The following TMED6 variants were observed in gnomAD, a reference collection of about 807,000 sequenced individuals.
TMED6 encodes the protein transmembrane p24 trafficking protein 6, also known as transmembrane emp24 domain-containing protein 6.
A neutral mutation model predicts 26.5 loss-of-function variants in TMED6; 17 were observed. That is an observed-to-expected ratio of 0.64 (90% confidence interval 0.44 to 0.96). The LOEUF (loss-of-function observed/expected upper bound fraction) is 0.96, where lower values mean the gene tolerates loss of function less well. Ranked by LOEUF, TMED6 falls within the 40% of genes least tolerant of loss-of-function variation. The pLI, the probability that TMED6 is intolerant of heterozygous loss-of-function variation, is 0.00. For missense variants in TMED6, 309 were observed against 296.5 expected (o/e 1.04, Z -0.31); for synonymous variants, 107 against 106.2 (o/e 1.01, Z -0.04).
At chr16:69,347,439 AC>A (rs1308335160) in intron 3 of TMED6, among the ~76,000 whole-genome samples, 1 of 152,094 alleles carries the variant, frequency 6.6e-6, no homozygotes, top group East Asian at 1.9e-4. Context: ...GCTTACTGCA[AC>A]CTCTGCCTCC....
Position 69,347,775 on chromosome 16 carries a change from A to G in TMED6, c.489+13T>C. ...TTCCACAGATGTTTCTCTTCCACAAAACACTTCCTTACCTCAATTGCATCC... is the reference window on the plus strand; with the variant it reads ...TTCCACAGATGTTTCTCTTCCACAAGACACTTCCTTACCTCAATTGCATCC... On this transcript the variant is annotated intron_variant, in intron 3 of 3. Transcript: ENST00000288025. 6.2e-7 allele frequency: 1 copy of G among 1,613,408 alleles called. No homozygotes were observed. Among genetic ancestry groups the G allele is most frequent in the Admixed American group, 1.7e-5 (1 of 59,754 alleles).
chr16:69,347,531 TG>T (rs2012705013), intron 3 of TMED6, among the ~76,000 whole-genome samples: 1 of 152,160 alleles, frequency 6.6e-6, no homozygotes, highest in Non-Finnish European at 1.5e-5. Context: ...AGCTAATTTT[TG>T]TATTTTTAGT....
intron 1 of TMED6, among the ~76,000 whole-genome samples, chr16:69,350,462 G>A (rs1376677375): frequency 6.6e-6 from 1 of 151,860 alleles, no homozygotes; most frequent in African/African-American, 2.4e-5. Flanking sequence ...ACCAAGCCCG[G>A]CTAATTTTTG....
intron 1 of TMED6, among the ~76,000 whole-genome samples, chr16:69,350,269 C>CAAAAAAAA: frequency 1.4e-5 from 1 of 70,190 alleles, no homozygotes; most frequent in African/African-American, 4.5e-5. Context: ...AACACTCTGT[C>CAAAAAAAA]AAAAAAAAAA....
intron 3 of TMED6, 124 bp from the exon 4 acceptor site, chr16:69,343,764 A>G: frequency 1.4e-6 from 1 of 732,288 alleles, no homozygotes; most frequent in East Asian, 2.6e-5. Flanking sequence ...GATGTACAAT[A>G]CAATGATAGT....
intron 3 of TMED6, among the ~76,000 whole-genome samples, chr16:69,343,995 ATT>A (rs72414863): frequency 9.0e-5 from 13 of 143,770 alleles, no homozygotes; most frequent in Non-Finnish European, 7.7e-5. Flanking sequence ...CACCCAGCTA[ATT>A]TTTTTTTTTT....
chr16:69,348,423 A>T (rs577347302), intron 2 of TMED6: 1 of 118,030 alleles, frequency 8.5e-6, no homozygotes, highest in South Asian at 2.9e-4. Flanking sequence ...TGGTTTGGTT[A>T]TATCTGTTGG....
At chr16:69,347,740 A>G (rs2012707419) in intron 3 of TMED6, 48 bp downstream of exon 3, 1 of 1,606,718 alleles carries the variant, frequency 6.2e-7, no homozygotes, top group African/African-American at 1.3e-5. Context: ...CTCTGAAGTT[A>G]AAAATCAGTT....
At chr16:69,347,613 G>T (rs2012705988) in intron 3 of TMED6, among the ~76,000 whole-genome samples, 175 bp downstream of exon 3, 1 of 152,122 alleles carries the variant, frequency 6.6e-6, no homozygotes, top group Non-Finnish European at 1.5e-5. Flanking sequence ...ACCCACCTCG[G>T]CCTCCCAAAG....
At chr16:69,348,303 A>G (rs148544895) in intron 2 of TMED6, 37 of 171,026 alleles carry the variant, frequency 2.2e-4, no homozygotes, top group Admixed American at 8.0e-4. Flanking sequence ...AGCTAGGGAC[A>G]CCATCTTGAA....
chr16:69,348,998 T>C (rs1597232958), intron 2 of TMED6, among the ~76,000 whole-genome samples: 3 of 152,236 alleles, frequency 2.0e-5, no homozygotes, highest in African/African-American at 7.2e-5. Flanking sequence ...AAATGTCTTT[T>C]TTAGTGCAGC....
Position 69,347,783 on chromosome 16 carries a change from C to T in TMED6, c.489+5G>A. 6.2e-7 allele frequency: 1 copy of T among 1,613,930 alleles called. No homozygotes were observed. The highest frequency in any genetic ancestry group is 1.1e-5 in the South Asian group (1 of 91,056). On this transcript the variant is annotated splice_donor_5th_base_variant and intron_variant, in intron 3 of 3. Transcript: ENST00000288025. Reference sequence around the variant, plus strand: ...ATGTTTCTCTTCCACAAAACACTTCCTTACCTCAATTGCATCCAGAGTATC... The same window carrying T: ...ATGTTTCTCTTCCACAAAACACTTCTTTACCTCAATTGCATCCAGAGTATC...
chr16:69,349,684 C>A, intron 1 of TMED6, 33 bp from the exon 2 acceptor site: 1 of 1,601,270 alleles, frequency 6.2e-7, no homozygotes, highest in South Asian at 1.1e-5. Context: ...TAGCAGAACC[C>A]CTGCTACATC....
chr16:69,344,778 AAAAAAAAG>A (rs984737401), intron 3 of TMED6, among the ~76,000 whole-genome samples: 3 of 146,026 alleles, frequency 2.1e-5, no homozygotes, highest in Admixed American at 6.9e-5. Context: ...GTCTCAACAA[AAAAAAAAG>A]AAAAAAAGAA....
Position 69,349,536 on chromosome 16 carries a change from G to A in TMED6, c.329C>T (p.Thr110Ile), listed in dbSNP as rs1479066398. 1.9e-6 allele frequency: 3 copies of A among 1,613,746 alleles called. 1 individual carries two copies. The highest frequency in any genetic ancestry group is 2.2e-5 in the South Asian group (2 of 91,066). Residue 110 changes from threonine (T) to isoleucine (I), a missense_variant, in exon 2 of 4, where the codon ACC becomes ATC. Coordinates refer to ENST00000288025, the MANE Select transcript of TMED6 (RefSeq NM_144676.4). ...TAATGAAAACAGACCTGTCTCTTGG[G>A]TAGAGAAGTTAATCTGGCCCCGAAC... ...QGVRGQINFS[T>I]QETGFYQLCL...
Position 69,349,725 on chromosome 16 carries a change from C to A in TMED6, c.214-74G>T, listed in dbSNP as rs151231761. The A allele has an allele frequency of 8.2e-5, 128 of 1,560,790 alleles. No individual in the cohort carries two copies. The Middle Eastern group carries it at 1.4e-3, about 18-fold the overall frequency. On this transcript the variant is annotated intron_variant, in intron 1 of 3. Coordinates refer to ENST00000288025, the MANE Select transcript of TMED6 (RefSeq NM_144676.4). ...GAAGCCAGCTGAGTGGTAAGATTGA[C>A]GTCCCACGGTCATCAGCACAGCGGT...
chr16:69,343,296 T>A lies in TMED6; in HGVS notation c.*111A>T. The A allele has an allele frequency of 1.0e-6, 1 of 995,406 alleles. No individual in the cohort carries two copies. Among genetic ancestry groups the A allele is most frequent in the Admixed American group, 2.8e-5 (1 of 36,296 alleles). The allele number at this position is 995,406 out of a possible 1,614,324, so 61.7% of individuals were successfully genotyped here. A position where few individuals can be genotyped will look rare whatever the true frequency, so the allele number is the denominator to read the frequency against. On this transcript the variant is annotated 3_prime_UTR_variant, in exon 4 of 4. Coordinates refer to ENST00000288025, the MANE Select transcript of TMED6 (RefSeq NM_144676.4). Reference sequence around the variant, plus strand: ...TTGCCATTTTGCTTTTTTAGATGTGTGCAGCAGACTAAAACATTAATGAGA... The same window carrying A: ...TTGCCATTTTGCTTTTTTAGATGTGAGCAGCAGACTAAAACATTAATGAGA...
chr16:69,344,765 T>G (rs1399029096), intron 3 of TMED6, among the ~76,000 whole-genome samples: 1 of 143,656 alleles, frequency 7.0e-6, no homozygotes, highest in Non-Finnish European at 1.5e-5. Context: ...AGCACAAGAC[T>G]TTGTCTCAAC....
Position 69,351,761 on chromosome 16 carries a change from T to A in TMED6, c.-8A>T. 2 of 1,611,034 alleles carry A rather than the reference T, an allele frequency of 1.2e-6. No individual in the cohort carries two copies. Among genetic ancestry groups the A allele is most frequent in the South Asian group, 2.2e-5 (2 of 90,996 alleles). ...AAAGAGCAAAGGGGACATGCCGCTT[T>A]CTGGAGCCTCCTCTGCAGGTGAACT... On this transcript the variant is annotated 5_prime_UTR_variant, in exon 1 of 4. Transcript: ENST00000288025.
Sources: gnomAD v4.1 joint callset for allele counts (sites outside exome capture counted in the v4.1 genomes callset) on GRCh38, gnomAD v4.1.1 for gene constraint, MANE v1.5 for transcripts, NCBI Gene and HGNC (gene_info 2026-07-23, HGNC 2026-07-21) for gene names.